MAP2: variants seen among roughly 807,000 people sequenced by gnomAD.
The protein encoded by MAP2 is microtubule-associated protein 2.
Under a neutral mutation model 137.6 loss-of-function variants are expected in MAP2, and 14 were observed. The observed-to-expected ratio is 0.10, with a 90% confidence interval of 0.07 to 0.16. MAP2 has a LOEUF of 0.16. Ranked by LOEUF, MAP2 falls within the 10% of genes least tolerant of loss-of-function variation. The pLI is 1.00. For synonymous variants in MAP2, 786 were observed against 782.3 expected (o/e 1.00, Z -0.08); for missense variants, 2,088 against 2,191.5 (o/e 0.95, Z 0.94).
chr2:209,545,287 C>CT (rs1287338304), intron 2 of MAP2, among the ~76,000 whole-genome samples: 5 of 152,184 alleles, frequency 3.3e-5, no homozygotes, highest in African/African-American at 1.2e-4. Context: ...ATAGTATCCT[C>CT]TTGTAGATGA....
chr2:209,713,970 T>C (rs867451108), intron 13 of MAP2, among the ~76,000 whole-genome samples: 1 of 151,948 alleles, frequency 6.6e-6, no homozygotes, highest in Middle Eastern at 3.4e-3. Flanking sequence ...AGCGGGTGGA[T>C]CACCTGAGGT....
At chr2:209,447,768 C>CT (rs1396974620) in intron 1 of MAP2, among the ~76,000 whole-genome samples, 1 of 152,038 alleles carries the variant, frequency 6.6e-6, no homozygotes, top group Non-Finnish European at 1.5e-5. Flanking sequence ...AAATAAGAGA[C>CT]TATCAGTTAT....
chr2:209,512,552 G>T (rs2061861547), intron 2 of MAP2, among the ~76,000 whole-genome samples: 1 of 129,712 alleles, frequency 7.7e-6, no homozygotes, highest in Non-Finnish European at 1.6e-5. Context: ...GAAGCCAGAA[G>T]TTATACACAC....
At chr2:209,508,358 C>T (rs537712469) in intron 2 of MAP2, among the ~76,000 whole-genome samples, 1 of 151,342 alleles carries the variant, frequency 6.6e-6, no homozygotes, top group South Asian at 2.1e-4. Flanking sequence ...TGTTGCTAAA[C>T]TTTTTGTATA....
At chr2:209,643,449 T>A (rs2094181611) in intron 4 of MAP2, among the ~76,000 whole-genome samples, 1 of 152,164 alleles carries the variant, frequency 6.6e-6, no homozygotes, top group Non-Finnish European at 1.5e-5. Flanking sequence ...ATAATTCAAT[T>A]ACTTCTTTGA....
At chr2:209,590,933 C>T (rs2079072582) in intron 3 of MAP2, among the ~76,000 whole-genome samples, 1 of 152,078 alleles carries the variant, frequency 6.6e-6, no homozygotes, top group Non-Finnish European at 1.5e-5. Flanking sequence ...ATAGTAATGA[C>T]TCCTGTTTAT....
At chr2:209,622,577 T>G (rs2091452249) in intron 3 of MAP2, among the ~76,000 whole-genome samples, 2 of 152,232 alleles carry the variant, frequency 1.3e-5, no homozygotes, top group South Asian at 4.1e-4. Context: ...GCTAATATTA[T>G]TTTAGGCATG....
intron 5 of MAP2, among the ~76,000 whole-genome samples, chr2:209,657,228 G>A (rs1211972075): frequency 2.0e-5 from 3 of 152,166 alleles, no homozygotes; most frequent in East Asian, 1.9e-4. Flanking sequence ...GAATGGTGCT[G>A]CAATAAATAT....
intron 4 of MAP2, among the ~76,000 whole-genome samples, chr2:209,634,479 G>A (rs997084249): frequency 4.6e-5 from 7 of 152,004 alleles, no homozygotes; most frequent in Non-Finnish European, 8.8e-5. Flanking sequence ...TTCATCCAGC[G>A]AGTGGAAGGG....
At chr2:209,604,023 C>T (rs541187116) in intron 3 of MAP2, among the ~76,000 whole-genome samples, 1 of 152,186 alleles carries the variant, frequency 6.6e-6, no homozygotes, top group East Asian at 1.9e-4. Context: ...CTTATCATCT[C>T]CCGGAGGATT....
At chr2:209,672,865 G>A (rs1003791435) in intron 5 of MAP2, among the ~76,000 whole-genome samples, 1 of 151,808 alleles carries the variant, frequency 6.6e-6, no homozygotes, top group Non-Finnish European at 1.5e-5. Context: ...GCATGATACC[G>A]TTTGGGTTTC....
At chr2:209,629,239 T>G (rs1475503314) in intron 4 of MAP2, among the ~76,000 whole-genome samples, 1 of 152,232 alleles carries the variant, frequency 6.6e-6, no homozygotes, top group African/African-American at 2.4e-5. Flanking sequence ...CAACATAGTT[T>G]AGATTTTACT....
chr2:209,488,400 C>A (rs1299085755), intron 1 of MAP2, among the ~76,000 whole-genome samples: 1 of 151,356 alleles, frequency 6.6e-6, no homozygotes, highest in Non-Finnish European at 1.5e-5. Flanking sequence ...TTTTTTTTTT[C>A]ATACCCCAGT....
At chr2:209,607,883 T>C (rs1213511891) in intron 3 of MAP2, among the ~76,000 whole-genome samples, 2 of 152,270 alleles carry the variant, frequency 1.3e-5, no homozygotes, top group Admixed American at 6.5e-5. Context: ...CACTTTCTTA[T>C]TCCTTTTGCT....
intron 2 of MAP2, among the ~76,000 whole-genome samples, chr2:209,560,850 G>A (rs113431185): frequency 0.02 from 2,993 of 152,002 alleles, 90 homozygotes; most frequent in African/African-American, 0.068. Flanking sequence ...TGCTTTTGCC[G>A]TATCACTTTA....
In MAP2 at chr2:209,694,276, C is replaced by T. The variant is rs749270037; in HGVS notation, c.2106C>T (p.Ile702=). The T allele has an allele frequency of 2.5e-6, 4 of 1,613,938 alleles. No homozygotes were observed. The East Asian group carries it at 8.9e-5, about 36-fold the overall frequency. The change falls in exon 8 of 16, where the codon ATC becomes ATT. Residue 702 remains isoleucine (I), a synonymous_variant. Transcript: ENST00000682079. ...RSAIEQRSMS[I]NLPMSCLDSI... is the part of the protein sequence containing the mutation. The stretch of plus-strand genomic sequence containing the variant: ...CAATAGAACAAAGAAGCATGTCAAT[C>T]AATTTGCCGATGTCTTGCCTAGATT...
intron 1 of MAP2, among the ~76,000 whole-genome samples, chr2:209,502,660 C>A (rs1309577245): frequency 6.6e-6 from 1 of 152,138 alleles, no homozygotes; most frequent in African/African-American, 2.4e-5. Context: ...TGAGGTACCT[C>A]CTTACTGTTT....
chr2:209,643,627 A>C (rs992993245), intron 4 of MAP2, among the ~76,000 whole-genome samples: 15 of 152,238 alleles, frequency 9.9e-5, no homozygotes, highest in African/African-American at 3.6e-4. Flanking sequence ...GGGTGTTTAA[A>C]GTAAATGTTC....
At chr2:209,483,161 T>C (rs1042701487) in intron 1 of MAP2, among the ~76,000 whole-genome samples, 1 of 152,216 alleles carries the variant, frequency 6.6e-6, no homozygotes, top group Non-Finnish European at 1.5e-5. Context: ...ATGAATTTTG[T>C]GCAGCCACCA....
Sources: gnomAD v4.1 joint callset for allele counts (sites outside exome capture counted in the v4.1 genomes callset) on GRCh38, gnomAD v4.1.1 for gene constraint, MANE v1.5 for transcripts, NCBI Gene and HGNC (gene_info 2026-07-23, HGNC 2026-07-21) for gene names.